ETV1: variants seen among roughly 807,000 people sequenced by gnomAD.
ETV1 encodes ETS variant transcription factor 1, also known as ETS translocation variant 1.
Under a neutral mutation model 62.3 loss-of-function variants are expected in ETV1, and 27 were observed. The observed-to-expected ratio is 0.43, with a 90% CI of 0.32 to 0.60. ETV1 has a LOEUF of 0.60. ETV1 is among the 20% of genes least tolerant of loss of function. The pLI, the probability that ETV1 is intolerant of heterozygous loss-of-function variation, is 0.06. For missense variants in ETV1, 605 were observed against 605.8 expected, an observed-to-expected ratio of 1.00 and a Z score of 0.01; for synonymous variants, 222 against 199.6, an observed-to-expected ratio of 1.11 and a Z score of -0.94.
intron 5 of ETV1, chr7:13,986,098 TAAGC>T: frequency 1.3e-6 from 2 of 1,548,704 alleles, no homozygotes; most frequent in East Asian, 2.3e-5. Context: ...ATAGATTTCC[TAAGC>T]ATTAGATACA....
chr7:13,940,458 C>G (rs1194573050), intron 6 of ETV1, among the ~76,000 whole-genome samples: 2 of 151,410 alleles, frequency 1.3e-5, no homozygotes, highest in African/African-American at 4.9e-5. Context: ...GAAATCTTAT[C>G]AGAATAATTA....
intron 9 of ETV1, among the ~76,000 whole-genome samples, chr7:13,919,890 C>CAGAGAG (rs34895274): frequency 7.4e-5 from 11 of 149,342 alleles, no homozygotes; most frequent in Middle Eastern, 3.5e-3. Flanking sequence ...GACACACACA[C>CAGAGAG]AGAGAGAGAG....
At chr7:13,942,245 G>A (rs1371850541) in intron 6 of ETV1, among the ~76,000 whole-genome samples, 1 of 151,860 alleles carries the variant, frequency 6.6e-6, no homozygotes, top group African/African-American at 2.4e-5. Flanking sequence ...GGATGGTCTC[G>A]ATCTCCTGAC....
At chr7:13,920,381 G>A (rs1784704971) in intron 9 of ETV1, among the ~76,000 whole-genome samples, 1 of 152,114 alleles carries the variant, frequency 6.6e-6, no homozygotes, top group Non-Finnish European at 1.5e-5. Context: ...ATAAGCAGCA[G>A]CTGATGGAAC....
Position 13,895,694 on chromosome 7 carries a change from T to G in ETV1, c.*172A>C. On this transcript the variant is annotated 3_prime_UTR_variant, in exon 14 of 14. Coordinates refer to ENST00000430479, the MANE Select transcript of ETV1 (RefSeq NM_004956.5). ...TACTCCCACCCACCCTCAAATAAAG[T>G]GCACAGTCCATGGCAGACCATAGAA... The G allele has an allele frequency of 1.7e-6, 1 of 595,528 alleles. No homozygotes were observed. 36.9% of individuals were successfully genotyped at this position (595,528 alleles called of 1,614,324 possible).
chr7:13,970,987 T>A (rs868863910), intron 6 of ETV1, among the ~76,000 whole-genome samples: 4 of 152,162 alleles, frequency 2.6e-5, no homozygotes, highest in Admixed American at 1.3e-4. Flanking sequence ...TTATTTATTT[T>A]TTGAGACAGA....
chr7:13,895,826 A>T lies in ETV1; in HGVS notation c.*40T>A. 1.4e-6 allele frequency: 2 copies of T among 1,402,734 alleles called. No individual in the cohort carries two copies. The highest frequency in any genetic ancestry group is 2.3e-5 in the East Asian group (1 of 42,964). The allele number at this position is 1,402,734 out of a possible 1,614,324, so 86.9% of individuals were successfully genotyped here. On this transcript the variant is annotated 3_prime_UTR_variant, in exon 14 of 14. Coordinates refer to ENST00000430479, the MANE Select transcript of ETV1 (RefSeq NM_004956.5). Reference sequence around the variant, plus strand: ...CAATTCTCTGTATCTTGCAGAAAAAAGGAAAAGCGCAAAAACGCCCTGCTT... The same window carrying T: ...CAATTCTCTGTATCTTGCAGAAAAATGGAAAAGCGCAAAAACGCCCTGCTT...
chr7:13,966,977 G>A (rs1168762329), intron 6 of ETV1, among the ~76,000 whole-genome samples: 1 of 151,900 alleles, frequency 6.6e-6, no homozygotes, highest in Admixed American at 6.6e-5. Context: ...ATAAACCTAC[G>A]TAACACCTGT....
chr7:13,976,178 A>G (rs1300054211), intron 6 of ETV1, among the ~76,000 whole-genome samples: 1 of 152,200 alleles, frequency 6.6e-6, no homozygotes, highest in African/African-American at 2.4e-5. Flanking sequence ...ATCAAAAATA[A>G]AGCTAATACA....
chr7:13,906,936 C>G (rs908200320), intron 11 of ETV1, among the ~76,000 whole-genome samples: 3 of 151,772 alleles, frequency 2.0e-5, no homozygotes, highest in African/African-American at 7.3e-5. Context: ...TCTAATCAGA[C>G]TTCTTTGCTT....
At chr7:13,974,232 T>A (rs969903509) in intron 6 of ETV1, among the ~76,000 whole-genome samples, 3 of 152,146 alleles carry the variant, frequency 2.0e-5, no homozygotes, top group Admixed American at 2.0e-4. Flanking sequence ...TGAAAAGTTT[T>A]AAAGCAAAAT....
intron 6 of ETV1, among the ~76,000 whole-genome samples, chr7:13,970,957 T>G (rs1437063443): frequency 6.6e-6 from 1 of 152,062 alleles, no homozygotes; most frequent in Non-Finnish European, 1.5e-5. Flanking sequence ...CTATTCTTTC[T>G]TTTATTTATT....
At chr7:13,966,132 C>A (rs1333230097) in intron 6 of ETV1, among the ~76,000 whole-genome samples, 2 of 152,138 alleles carry the variant, frequency 1.3e-5, no homozygotes, top group Non-Finnish European at 2.9e-5. Context: ...CAAATATGAT[C>A]TCAATGAATA....
intron 4 of ETV1, among the ~76,000 whole-genome samples, chr7:13,987,659 G>A (rs1782667492): frequency 6.6e-6 from 1 of 152,092 alleles, no homozygotes; most frequent in African/African-American, 2.4e-5. Flanking sequence ...TTAGTGTAAA[G>A]GAGGTGGGAA....
At chr7:13,962,607 T>G (rs1172881424) in intron 6 of ETV1, among the ~76,000 whole-genome samples, 2 of 152,118 alleles carry the variant, frequency 1.3e-5, no homozygotes, top group Non-Finnish European at 2.9e-5. Context: ...AAATTCTCTT[T>G]TGAGAGCATC....
rs1273418107 is a variant in ETV1 at position 13,982,302 on chromosome 7, G to C, written c.181+4336C>G. ...TATAACATTATACACAAATCAAAGG[G>C]AATAAAGTTATACTACAAAATGTAA... On this transcript the variant is annotated intron_variant, in intron 5 of 13. Transcript: ENST00000430479. Among the ~76,000 whole-genome samples the C allele has an allele frequency of 2.6e-5, 4 of 151,978 alleles. 1 individual carries two copies. The East Asian group carries it at 7.7e-4, about 29-fold the overall frequency.
chr7:13,951,160 A>G (rs1397497055), intron 6 of ETV1, among the ~76,000 whole-genome samples: 4 of 152,058 alleles, frequency 2.6e-5, no homozygotes, highest in East Asian at 1.9e-4. Flanking sequence ...AGAAATCATC[A>G]TATGTACAAG....
In ETV1 at chr7:13,931,571, C is replaced by A; in HGVS notation, c.733G>T (p.Ala245Ser). The A allele has an allele frequency of 6.2e-7, 1 of 1,614,024 alleles. No homozygotes were observed. The highest frequency in any genetic ancestry group is 1.1e-5 in the South Asian group (1 of 91,084). The change falls in exon 9 of 14, where the codon GCG (alanine) becomes TCG (serine). Residue 245 changes from alanine to serine, a missense_variant. By Grantham distance (99) the Ala-to-Ser change is moderately conservative (BLOSUM62 1). Around this residue, in one of 3 missense-constraint regions of ETV1, gnomAD observed 426 missense variants for 377.8 expected, o/e 1.13. Transcript: ENST00000430479. ...GGAGGGGGAAAGCTTTGGCTGGCCG[C>A]ACTGCCAACCATGGTGTTGTGTTCA... ...VYEHNTMVGSAASQSFPPPLM... is the reference protein window; with the variant it reads ...VYEHNTMVGSSASQSFPPPLM...
At chr7:13,979,430 T>C (rs1781767056) in intron 5 of ETV1, among the ~76,000 whole-genome samples, 1 of 151,944 alleles carries the variant, frequency 6.6e-6, no homozygotes, top group Non-Finnish European at 1.5e-5. Flanking sequence ...TTCTCTCAGC[T>C]ATTAACACAA....
Sources: gnomAD v4.1 joint callset for allele counts (sites outside exome capture counted in the v4.1 genomes callset) on GRCh38, gnomAD v4.1.1 for gene constraint, gnomAD v4.1.1 regional missense constraint, MANE v1.5 for transcripts, NCBI Gene and HGNC (gene_info 2026-07-23, HGNC 2026-07-21) for gene names.